SMARCAL1: variants seen among roughly 807,000 people sequenced by gnomAD.
SMARCAL1 encodes ATP-driven annealing helicase.
A neutral mutation model predicts 94.5 loss-of-function variants in SMARCAL1; 58 were observed. That is an observed-to-expected ratio of 0.61 (90% CI 0.50 to 0.76). SMARCAL1 has a LOEUF of 0.76. Among genes scored for constraint, SMARCAL1 ranks in the 30% least tolerant of loss-of-function variants. The probability of loss-of-function intolerance (pLI) is 0.00; values close to 1 mark genes in which losing one functional copy is unlikely to be tolerated. For missense variants in SMARCAL1, 1,051 were observed against 1,177.9 expected, an observed-to-expected ratio of 0.89 and a Z score of 1.58; for synonymous variants, 422 against 455.1, an observed-to-expected ratio of 0.93 and a Z score of 0.93.
rs1165335408 is a variant in SMARCAL1 at position 216,415,349 on chromosome 2, G to A, written c.645G>A (p.Thr215=). Residue 215 remains threonine (T), a synonymous_variant, in exon 3 of 18, where the codon ACG becomes ACA. Transcript: ENST00000357276. ...SYIHSSSESV[T]PRTEGRLQQK... is the part of the protein sequence containing the mutation. ...TCCATTCTAGCTCAGAGAGTGTAAC[G>A]CCCAGGACAGAAGGAAGACTCCAGC... The A allele has an allele frequency of 9.3e-6, 15 of 1,614,084 alleles. No homozygotes were observed. The highest frequency in any genetic ancestry group is 1.6e-4 in the Middle Eastern group (1 of 6,084).
In SMARCAL1 at chr2:216,438,474, C is replaced by T. The variant is rs765026783; in HGVS notation, c.1699C>T (p.Pro567Ser). Residue 567 changes from proline (P) to serine (S), a missense_variant, in exon 10 of 18, where the codon CCG becomes TCG. By Grantham distance (74) the Pro-to-Ser change is moderately conservative (BLOSUM62 -1). This residue lies in a region of SMARCAL1 where 642 missense variants were observed against 754.7 expected (regional missense o/e 0.85). Coordinates refer to ENST00000357276, the MANE Select transcript of SMARCAL1 (RefSeq NM_014140.4). The stretch of plus-strand genomic sequence containing the variant: ...GACTGCCCGCTGTCGAGCAGCTATG[C>T]CGGTCCTAAAGGTGAGTACTTCTGA... ...SRTARCRAAM[P>S]VLKVAKRVIL... 1 of 1,613,618 alleles carries T rather than the reference C, an allele frequency of 6.2e-7. No homozygotes were observed. Among genetic ancestry groups the T allele is most frequent in the East Asian group, 2.2e-5 (1 of 44,872 alleles).
At chr2:216,450,705 T>C in intron 11 of SMARCAL1, 141 bp from the exon 12 acceptor site, 1 of 646,718 alleles carries the variant, frequency 1.5e-6, no homozygotes, top group Admixed American at 2.7e-5. Flanking sequence ...TGGGGGTTTA[T>C]TTGTCCCTGT....
intron 12 of SMARCAL1, among the ~76,000 whole-genome samples, chr2:216,454,694 T>C (rs114340327): frequency 0.016 from 2,474 of 152,048 alleles, 69 homozygotes; most frequent in African/African-American, 0.056. Context: ...TTTATTACTA[T>C]ACTATAAAAA....
At chr2:216,453,887 G>A (rs1694500885) in intron 12 of SMARCAL1, among the ~76,000 whole-genome samples, 1 of 152,206 alleles carries the variant, frequency 6.6e-6, no homozygotes, top group Non-Finnish European at 1.5e-5. Flanking sequence ...CAGGAGCCAA[G>A]GTGAAGGAGC....
intron 11 of SMARCAL1, among the ~76,000 whole-genome samples, chr2:216,450,506 A>G (rs368572659): frequency 3.3e-5 from 5 of 152,338 alleles, no homozygotes; most frequent in African/African-American, 1.2e-4. Context: ...AGTGTACAGG[A>G]ATAGTCTGAC....
At chr2:216,462,881 TTGGGAGGCTGAGG>T (rs1331895518) in intron 12 of SMARCAL1, among the ~76,000 whole-genome samples, 3 of 151,608 alleles carry the variant, frequency 2.0e-5, no homozygotes, top group Non-Finnish European at 4.4e-5. Flanking sequence ...TCCCAGTTAC[TTGGGAGGCTGAGG>T]TGGGAGGATT....
At chr2:216,419,894 G>A (rs571138108) in intron 4 of SMARCAL1, among the ~76,000 whole-genome samples, 9 of 151,726 alleles carry the variant, frequency 5.9e-5, no homozygotes, top group African/African-American at 2.2e-4. Flanking sequence ...ACCGCATGTG[G>A]TGGTGCACGC....
chr2:216,435,432 T>G lies in SMARCAL1; in HGVS notation c.1580T>G (p.Val527Gly), dbSNP rs760200244. 7.4e-6 allele frequency: 12 copies of G among 1,614,078 alleles called. No homozygotes were observed. Among genetic ancestry groups the G allele is most frequent in the Non-Finnish European group, 1.0e-5 (12 of 1,180,012 alleles). Residue 527 changes from valine (V) to glycine (G), a missense_variant, in exon 9 of 18, where the codon GTC becomes GGC. Val to Gly is a moderately radical substitution (Grantham distance 109, BLOSUM62 -3). Coordinates refer to ENST00000357276, the MANE Select transcript of SMARCAL1 (RefSeq NM_014140.4). Reference protein sequence around the residue: ...DRLTAGLINIVSFDLLSKLEK... With the variant: ...DRLTAGLINIGSFDLLSKLEK... ...CTGACAGCTGGCCTGATCAACATTG[T>G]CAGCTTTGACCTTCTTAGCAAGTTG...
intron 11 of SMARCAL1, 98 bp from the exon 12 acceptor site, chr2:216,450,748 G>T (rs1694430099): frequency 1.1e-6 from 1 of 883,584 alleles, no homozygotes; most frequent in Admixed American, 1.8e-5. Flanking sequence ...CTAAGCCAGG[G>T]GTGGTTGTGA....
chr2:216,479,301 G>T (rs1695151096), intron 17 of SMARCAL1: 1 of 152,094 alleles, frequency 6.6e-6, no homozygotes, highest in Non-Finnish European at 1.5e-5. Flanking sequence ...GCCACACATG[G>T]TGGTGCACAC....
intron 10 of SMARCAL1, 88 bp downstream of exon 10, chr2:216,438,573 G>A (rs1694129561): frequency 8.7e-7 from 1 of 1,143,892 alleles, no homozygotes; most frequent in Non-Finnish European, 1.3e-6. Context: ...TCCAGCAGGG[G>A]TTGCAAGTAT....
intron 5 of SMARCAL1, among the ~76,000 whole-genome samples, chr2:216,422,133 A>T (rs1693735928): frequency 6.6e-6 from 1 of 152,148 alleles, no homozygotes; most frequent in Non-Finnish European, 1.5e-5. Context: ...TAATCCCAGC[A>T]GTTTGGGAGG....
In SMARCAL1 at chr2:216,472,641, G is replaced by C. The variant is rs577469646; in HGVS notation, c.2245-2628G>C. Reference sequence around the variant, plus strand: ...CAAATAATGGTTTTTACATGTAAAGGTATTTCCTAACTCCCAGTAGGAAAA... The same window carrying C: ...CAAATAATGGTTTTTACATGTAAAGCTATTTCCTAACTCCCAGTAGGAAAA... On this transcript the variant is annotated intron_variant, in intron 14 of 17. Transcript: ENST00000357276. Among the ~76,000 whole-genome samples, 7 of 146,050 alleles carry C rather than the reference G, an allele frequency of 4.8e-5. No individual in the cohort carries two copies. The South Asian group carries it at 1.6e-3, about 33-fold the overall frequency.
At chr2:216,468,734 A>C (rs958196164) in intron 14 of SMARCAL1, among the ~76,000 whole-genome samples, 55 of 150,350 alleles carry the variant, frequency 3.7e-4, no homozygotes, top group African/African-American at 1.3e-3. Context: ...AGGTTTTTTT[A>C]TTTTGAGGCA....
chr2:216,421,377 A>C (rs914134410), intron 5 of SMARCAL1, among the ~76,000 whole-genome samples: 2 of 152,154 alleles, frequency 1.3e-5, no homozygotes, highest in Non-Finnish European at 2.9e-5. Context: ...GGCTCACCGC[A>C]ACCTCTGCCT....
At chr2:216,435,300 G>T in intron 8 of SMARCAL1, 38 bp from the exon 9 acceptor site, 1 of 1,611,738 alleles carries the variant, frequency 6.2e-7, no homozygotes, top group Non-Finnish European at 8.5e-7. Context: ...GCTGTGCTGG[G>T]TGGTCATTGT....
At chr2:216,434,295 G>A (rs896687377) in intron 8 of SMARCAL1, among the ~76,000 whole-genome samples, 1 of 152,308 alleles carries the variant, frequency 6.6e-6, no homozygotes, top group African/African-American at 2.4e-5. Flanking sequence ...GCACCCAGAT[G>A]CCTGGGTGGG....
chr2:216,451,020 G>C lies in SMARCAL1; in HGVS notation c.2026G>C (p.Ala676Pro), dbSNP rs1343845553. Residue 676 changes from alanine to proline, a missense_variant, in exon 12 of 18, where the codon GCC (alanine) becomes CCC (proline). Physicochemically the swap from Ala to Pro is conservative, Grantham distance 27. Coordinates refer to ENST00000357276, the MANE Select transcript of SMARCAL1 (RefSeq NM_014140.4). The stretch of plus-strand genomic sequence containing the variant: ...ACGGATCAATGCCAGGACCAGAGCT[G>C]CCCTGGATGCTGCAGCCAAGGAAAT... ...PGRINARTRA[A>P]LDAAAKEMTT... 6.2e-7 allele frequency: 1 copy of C among 1,614,100 alleles called. No homozygotes were observed. Among genetic ancestry groups the C allele is most frequent in the Non-Finnish European group, 8.5e-7 (1 of 1,180,050 alleles).
intron 14 of SMARCAL1, among the ~76,000 whole-genome samples, chr2:216,471,628 A>G (rs1694967628): frequency 6.6e-6 from 1 of 152,214 alleles, no homozygotes; most frequent in African/African-American, 2.4e-5. Flanking sequence ...TGCTAAGATT[A>G]CAGGCGTGAG....
Sources: gnomAD v4.1 joint callset for allele counts (sites outside exome capture counted in the v4.1 genomes callset) on GRCh38, gnomAD v4.1.1 for gene constraint, gnomAD v4.1.1 regional missense constraint, MANE v1.5 for transcripts, NCBI Gene and HGNC (gene_info 2026-07-23, HGNC 2026-07-21) for gene names.